DENND1A: variants seen among roughly 807,000 people sequenced by gnomAD.
DENND1A encodes DENN domain containing 1A.
Under a neutral mutation model 113.7 loss-of-function variants are expected in DENND1A, and 51 were observed. The observed-to-expected ratio is 0.45, with a 90% CI of 0.36 to 0.57. The LOEUF (loss-of-function observed/expected upper bound fraction) is 0.57, where lower values mean the gene tolerates loss of function less well. Ranked by LOEUF, DENND1A falls within the 20% of genes least tolerant of loss-of-function variation. DENND1A has a pLI of 0.00. For missense variants in DENND1A, 1,258 were observed against 1,395.9 expected (o/e 0.90, Z 1.57); for synonymous variants, 565 against 570.8 (o/e 0.99, Z 0.14).
At chr9:123,772,516 A>G (rs1829889685) in intron 3 of DENND1A, among the ~76,000 whole-genome samples, 1 of 152,124 alleles carries the variant, frequency 6.6e-6, no homozygotes. Flanking sequence ...AAGCTCTTTT[A>G]GACAACCAGC....
At chr9:123,634,380 G>A (rs1475526) in intron 9 of DENND1A, among the ~76,000 whole-genome samples, 66,152 of 152,002 alleles carry the variant, frequency 0.44, 15,170 homozygotes, top group African/African-American at 0.58. Context: ...AATACTAAAT[G>A]ACATAAACTA....
intron 13 of DENND1A, among the ~76,000 whole-genome samples, chr9:123,547,414 A>C (rs2056772525): frequency 6.6e-6 from 1 of 152,234 alleles, no homozygotes; most frequent in African/African-American, 2.4e-5. Context: ...CTGTAATCTC[A>C]GCTACTCAGG....
rs141156221 is a variant in DENND1A, at chr9:123,576,602, G to A, written c.867+6567C>T. 6.7e-3 allele frequency among the ~76,000 whole-genome samples: 1,019 copies of A among 152,130 alleles called. 9 individuals are homozygous for A. Among genetic ancestry groups the A allele is most frequent in the African/African-American group, 0.022 (929 of 41,510 alleles). ...AAATCTCTGCCTCCTGGGTTCAAGCGATTCTGCCACCTCAGCCTCCTGAGT... is the reference window on the plus strand; with the variant it reads ...AAATCTCTGCCTCCTGGGTTCAAGCAATTCTGCCACCTCAGCCTCCTGAGT... On this transcript the variant is annotated intron_variant, in intron 12 of 23. Transcript: ENST00000394215.
chr9:123,427,641 A>G (rs2045843633), intron 19 of DENND1A, among the ~76,000 whole-genome samples: 2 of 152,212 alleles, frequency 1.3e-5, no homozygotes, highest in South Asian at 4.1e-4. Context: ...ACAAGTGGAC[A>G]AAGAGCTGAG....
At chr9:123,781,906 C>T (rs1471406787) in intron 3 of DENND1A, among the ~76,000 whole-genome samples, 1 of 151,994 alleles carries the variant, frequency 6.6e-6, no homozygotes, top group African/African-American at 2.4e-5. Context: ...CCTGTCTCTA[C>T]TAAAAATTCA....
At chr9:123,837,130 G>C (rs1490516776) in intron 2 of DENND1A, among the ~76,000 whole-genome samples, 2 of 152,102 alleles carry the variant, frequency 1.3e-5, no homozygotes, top group Non-Finnish European at 2.9e-5. Flanking sequence ...TACTGGCCAA[G>C]AAAGGGTCAG....
In DENND1A at chr9:123,432,230, G is replaced by A. The variant is rs913036937; in HGVS notation, c.1488+8130C>T. Among the ~76,000 whole-genome samples the A allele has an allele frequency of 3.9e-5, 6 of 152,288 alleles. No individual in the cohort carries two copies. In the East Asian group the frequency reaches 5.8e-4, roughly 15 times the overall value. On this transcript the variant is annotated intron_variant, in intron 19 of 23. Coordinates refer to ENST00000394215, the MANE Select transcript of DENND1A (RefSeq NM_001352964.2). ...TTTTGATTGGCAAGTTTTTCCTCCC[G>A]AAATCAAATATGTCTGCTCAAAGGA...
chr9:123,798,055 ATG>A (rs1834040816), intron 2 of DENND1A, among the ~76,000 whole-genome samples: 3 of 152,196 alleles, frequency 2.0e-5, no homozygotes, highest in Non-Finnish European at 4.4e-5. Flanking sequence ...GCTTTAGCAC[ATG>A]AAGGCTGTAA....
At chr9:123,413,512 G>A (rs1287919731) in intron 19 of DENND1A, 2 of 985,338 alleles carry the variant, frequency 2.0e-6, no homozygotes, top group Non-Finnish European at 2.4e-6. Flanking sequence ...ACTCCTGGAG[G>A]GCAGGGCCTG....
At chr9:123,568,144 T>C (rs1438354769) in intron 12 of DENND1A, among the ~76,000 whole-genome samples, 2 of 152,190 alleles carry the variant, frequency 1.3e-5, no homozygotes, top group Non-Finnish European at 2.9e-5. Flanking sequence ...GATTGATCAA[T>C]GGATGAATAT....
intron 7 of DENND1A, among the ~76,000 whole-genome samples, chr9:123,668,974 C>T (rs1331469590): frequency 1.3e-5 from 2 of 152,168 alleles, no homozygotes; most frequent in African/African-American, 4.8e-5. Flanking sequence ...AGCAAATTCA[C>T]TTAATAGCAC....
chr9:123,593,176 G>A (rs1032349272), intron 11 of DENND1A, among the ~76,000 whole-genome samples: 1 of 152,198 alleles, frequency 6.6e-6, no homozygotes, highest in Non-Finnish European at 1.5e-5. Context: ...GCAGTCCTGA[G>A]GAGGAGCAGG....
intron 5 of DENND1A, among the ~76,000 whole-genome samples, chr9:123,727,727 GAATA>G (rs1016210157): frequency 3.3e-5 from 5 of 152,142 alleles, no homozygotes; most frequent in African/African-American, 1.2e-4. Context: ...AAAAAAAAGG[GAATA>G]AATATTTAGG....
At chr9:123,927,894 T>C (rs572670459) in intron 1 of DENND1A, among the ~76,000 whole-genome samples, 50 of 152,328 alleles carry the variant, frequency 3.3e-4, no homozygotes, top group Non-Finnish European at 5.4e-4. Context: ...CTTAAGTGGG[T>C]AATTTCCTGT....
At chr9:123,798,735 AAAAAAAAAAAAAAATC>A (rs1834154253) in intron 2 of DENND1A, among the ~76,000 whole-genome samples, 1 of 151,702 alleles carries the variant, frequency 6.6e-6, no homozygotes, top group Non-Finnish European at 1.5e-5. Context: ...CAAAAAAAAA[AAAAAAAAAAAAAAATC>A]AAAAGGATAT....
At chr9:123,646,877 G>A (rs2139255173) in intron 9 of DENND1A, among the ~76,000 whole-genome samples, 1 of 152,220 alleles carries the variant, frequency 6.6e-6, no homozygotes, top group East Asian at 1.9e-4. Flanking sequence ...ATCCACAAAG[G>A]GAATGCAGAG....
intron 2 of DENND1A, among the ~76,000 whole-genome samples, chr9:123,877,696 G>A (rs1468177656): frequency 1.3e-5 from 2 of 149,034 alleles, no homozygotes; most frequent in South Asian, 2.1e-4. Context: ...GGTGGCGGGC[G>A]CCTGTAATCC....
chr9:123,714,567 A>C (rs1475423483), intron 5 of DENND1A, among the ~76,000 whole-genome samples: 2 of 152,104 alleles, frequency 1.3e-5, no homozygotes, highest in East Asian at 1.9e-4. Flanking sequence ...ATGCCACTGC[A>C]CTCCAGCCTA....
At chr9:123,918,659 T>C (rs1855679767) in intron 1 of DENND1A, among the ~76,000 whole-genome samples, 1 of 152,096 alleles carries the variant, frequency 6.6e-6, no homozygotes, top group African/African-American at 2.4e-5. Context: ...TTTAAAAAAT[T>C]AATAAAATCA....
Sources: gnomAD v4.1 joint callset for allele counts (sites outside exome capture counted in the v4.1 genomes callset) on GRCh38, gnomAD v4.1.1 for gene constraint, MANE v1.5 for transcripts, NCBI Gene and HGNC (gene_info 2026-07-23, HGNC 2026-07-21) for gene names.